The following ABI2 variants were observed in gnomAD, a reference collection of about 807,000 sequenced individuals.
The protein encoded by ABI2 is abl interactor 2.
Under a neutral mutation model 59.2 loss-of-function variants are expected in ABI2, and 25 were observed. The observed-to-expected ratio is 0.42, with a 90% CI of 0.31 to 0.59. ABI2 has a LOEUF of 0.59. Among genes scored for constraint, ABI2 ranks in the 20% least tolerant of loss-of-function variants. The probability of loss-of-function intolerance (pLI) is 0.14; values close to 1 mark genes in which losing one functional copy is unlikely to be tolerated. For synonymous variants in ABI2, 213 were observed against 235.5 expected (o/e 0.90, Z 0.87); for missense variants, 545 against 681.8 (o/e 0.80, Z 2.23).
rs1210011107 is a variant in ABI2 at position 203,331,779 on chromosome 2, A to G, written c.117+3148A>G. Among the ~76,000 whole-genome samples the G allele has an allele frequency of 2.0e-5, 3 of 149,814 alleles. No homozygotes were observed. In the South Asian group the frequency reaches 6.4e-4, roughly 32 times the overall value. Reference sequence around the variant, plus strand: ...TAAAGTAGAAAAAAATCTGTTTATCATGTGTAATAAGTGTTTTTGCTCAGT... The same window carrying G: ...TAAAGTAGAAAAAAATCTGTTTATCGTGTGTAATAAGTGTTTTTGCTCAGT... On this transcript the variant is annotated intron_variant, in intron 1 of 11. Coordinates refer to ENST00000261018, the MANE Select transcript of ABI2 (RefSeq NM_001375670.1).
chr2:203,358,225 G>A (rs2092703917), intron 1 of ABI2, among the ~76,000 whole-genome samples: 1 of 147,962 alleles, frequency 6.8e-6, no homozygotes, highest in Non-Finnish European at 1.5e-5. Flanking sequence ...GAACTCCTGG[G>A]CTCAAGTGAT....
At position 203,427,572 on chromosome 2, in the gene ABI2, T is replaced by C. The variant is rs2098450801; in HGVS notation, c.*220T>C. 4.5e-6 allele frequency: 2 copies of C among 444,560 alleles called. No individual in the cohort carries two copies. Among genetic ancestry groups the C allele is most frequent in the East Asian group, 3.3e-5 (1 of 30,128 alleles). The allele number at this position is 444,560 out of a possible 1,614,324, so 27.5% of individuals were successfully genotyped here. Reference sequence around the variant, plus strand: ...TTTGTACAATGCTGAGCTGTCTGGATTGAAATAAAATGACCATTTTTATGT... The same window carrying C: ...TTTGTACAATGCTGAGCTGTCTGGACTGAAATAAAATGACCATTTTTATGT... On this transcript the variant is annotated 3_prime_UTR_variant, in exon 12 of 12. Transcript: ENST00000261018.
intron 1 of ABI2, among the ~76,000 whole-genome samples, chr2:203,329,449 C>G (rs1245945682): frequency 6.7e-6 from 1 of 149,910 alleles, no homozygotes; most frequent in East Asian, 2.0e-4. Flanking sequence ...GTATGAGATC[C>G]AGCTGCTCCT....
chr2:203,366,775 G>A (rs753579391), intron 1 of ABI2, 102 bp from the exon 2 acceptor site: 41 of 1,164,718 alleles, frequency 3.5e-5, no homozygotes, highest in Non-Finnish European at 4.8e-5. Context: ...TTTACTTTCT[G>A]GTGGACTCAG....
chr2:203,348,439 T>C (rs1255747504), intron 1 of ABI2, among the ~76,000 whole-genome samples: 1 of 152,186 alleles, frequency 6.6e-6, no homozygotes, highest in Non-Finnish European at 1.5e-5. Flanking sequence ...GCATAATTTA[T>C]ATACAAGCCT....
chr2:203,347,094 A>G (rs2084119018), intron 1 of ABI2, among the ~76,000 whole-genome samples: 1 of 152,198 alleles, frequency 6.6e-6, no homozygotes, highest in Admixed American at 6.5e-5. Context: ...TTGCCCTAAC[A>G]TGTGCATCAG....
chr2:203,426,671 C>A (rs542554946), intron 11 of ABI2, among the ~76,000 whole-genome samples: 7 of 151,946 alleles, frequency 4.6e-5, no homozygotes, highest in Admixed American at 4.6e-4. Flanking sequence ...GGCATAGGCT[C>A]CAGAGAGAGT....
At chr2:203,395,601 G>C in intron 6 of ABI2, 55 bp from the exon 7 acceptor site, 1 of 1,546,384 alleles carries the variant, frequency 6.5e-7, no homozygotes, top group East Asian at 2.4e-5. Flanking sequence ...GGGAAGTGCT[G>C]ATGATCTCTT....
At chr2:203,371,304 A>T (rs1433874900) in intron 2 of ABI2, among the ~76,000 whole-genome samples, 2 of 152,218 alleles carry the variant, frequency 1.3e-5, no homozygotes, top group African/African-American at 4.8e-5. Context: ...TGGGAATTCC[A>T]TTGACTGTAC....
chr2:203,401,226 T>C (rs2097205659), intron 8 of ABI2, among the ~76,000 whole-genome samples: 1 of 151,848 alleles, frequency 6.6e-6, no homozygotes, highest in Non-Finnish European at 1.5e-5. Flanking sequence ...TATCTCCTCC[T>C]TTTCTCCCTT....
chr2:203,374,390 C>G (rs962380120), intron 2 of ABI2, among the ~76,000 whole-genome samples: 2 of 151,054 alleles, frequency 1.3e-5, no homozygotes, highest in Non-Finnish European at 2.9e-5. Flanking sequence ...ATCCCAGCTA[C>G]TCTGGAGGCT....
chr2:203,366,073 C>T (rs554247061), intron 1 of ABI2, among the ~76,000 whole-genome samples: 2 of 152,052 alleles, frequency 1.3e-5, no homozygotes, highest in South Asian at 2.1e-4. Context: ...ATTTCTTAGA[C>T]ATCATTAATG....
At chr2:203,383,431 C>A (rs982638439) in intron 4 of ABI2, 3 of 154,152 alleles carry the variant, frequency 1.9e-5, no homozygotes, top group Non-Finnish European at 2.9e-5. Flanking sequence ...ACCCTAAAGT[C>A]TGTATTCAAA....
intron 4 of ABI2, 55 bp downstream of exon 4, chr2:203,382,261 T>G: frequency 7.2e-7 from 1 of 1,397,728 alleles, no homozygotes; most frequent in Non-Finnish European, 9.6e-7. Flanking sequence ...GAATATTACA[T>G]ATGGGGAGTT....
At chr2:203,408,165 C>CTTTTT (rs11302309) in intron 9 of ABI2, among the ~76,000 whole-genome samples, 1 of 144,740 alleles carries the variant, frequency 6.9e-6, no homozygotes, top group Non-Finnish European at 1.5e-5. Flanking sequence ...TGCTGGTGGA[C>CTTTTT]TTTTTTTTTT....
At chr2:203,380,507 TG>T (rs1244703928) in intron 3 of ABI2, 123 bp downstream of exon 3, 1 of 586,546 alleles carries the variant, frequency 1.7e-6, no homozygotes, top group African/African-American at 1.9e-5. Flanking sequence ...CAGTTGTGGT[TG>T]TGAAGATTCC....
intron 1 of ABI2, chr2:203,342,340 GTT>G (rs1264702669): frequency 2.7e-6 from 1 of 364,572 alleles, no homozygotes; most frequent in African/African-American, 2.1e-5. Context: ...ATATGGGACT[GTT>G]TTTTTGTTTT....
chr2:203,386,421 C>T (rs1050940257), intron 4 of ABI2: 1 of 160,154 alleles, frequency 6.2e-6, no homozygotes, highest in African/African-American at 2.7e-5. Flanking sequence ...ACTACAGCCA[C>T]TCCTGGCTGT....
At chr2:203,417,954 A>G (rs2097976308) in intron 11 of ABI2, among the ~76,000 whole-genome samples, 2 of 152,216 alleles carry the variant, frequency 1.3e-5, no homozygotes, top group Admixed American at 1.3e-4. Context: ...CGTGGAATAT[A>G]TCTTTAAAAA....
Sources: allele counts gnomAD v4.1 joint callset (sites outside exome capture counted in the v4.1 genomes callset), GRCh38; gene constraint gnomAD v4.1.1; transcripts MANE v1.5; gene names NCBI Gene and HGNC (gene_info 2026-07-23, HGNC 2026-07-21).